ZBTB46: variants seen among roughly 807,000 people sequenced by gnomAD.
ZBTB46 encodes the protein zinc finger and BTB domain containing 46, also known as zinc finger and BTB domain-containing protein 46.
A neutral mutation model predicts 44.1 loss-of-function variants in ZBTB46; 8 were observed. The ratio of observed to expected loss-of-function variants is 0.18; its 90% CI spans 0.11 to 0.33. ZBTB46 has a LOEUF of 0.33. ZBTB46 is among the 10% of genes least tolerant of loss of function. ZBTB46 has a pLI of 1.00. For synonymous variants in ZBTB46, 409 were observed against 382.3 expected, an observed-to-expected ratio of 1.07 and a Z score of -0.81; for missense variants, 651 against 847.7, an observed-to-expected ratio of 0.77 and a Z score of 2.88.
rs202040562 is a variant in ZBTB46, at chr20:63,790,014, G to A, written c.744C>T (p.Asp248=). The A allele has an allele frequency of 1.4e-5, 23 of 1,614,050 alleles. No individual in the cohort carries two copies. Among genetic ancestry groups the A allele is most frequent in the Middle Eastern group, 1.6e-4 (1 of 6,062 alleles). The part of the protein sequence containing the change: ...YGGSELPSAK[D]GAVQNSFSEQ... Reference sequence around the variant, plus strand: ...CTGAGAAAGAGTTCTGTACTGCACCGTCCTTGGCAGAAGGCAGCTCGCTCC... The same window carrying A: ...CTGAGAAAGAGTTCTGTACTGCACCATCCTTGGCAGAAGGCAGCTCGCTCC... Residue 248 remains aspartate (D), a synonymous_variant, in exon 2 of 5, where the codon GAC becomes GAT. Transcript: ENST00000245663.
chr20:63,785,898 C>T (rs2092510641), intron 2 of ZBTB46, among the ~76,000 whole-genome samples: 1 of 152,232 alleles, frequency 6.6e-6, no homozygotes. Context: ...AACAAAAGTA[C>T]ACAGCCAAAA....
rs112597749 is a variant in ZBTB46 at position 63,754,639 on chromosome 20, A to G, written c.1223-1778T>C. 4.7e-5 allele frequency among the ~76,000 whole-genome samples: 7 copies of G among 148,030 alleles called. No individual in the cohort carries two copies. The East Asian group carries it at 8.1e-4, about 17-fold the overall frequency. Reference sequence around the variant, plus strand: ...TTTTTAGACGGAGTCTCACTCTGTCACCCAGGCTGGAGTGCAGTGGCTCGA... The same window carrying G: ...TTTTTAGACGGAGTCTCACTCTGTCGCCCAGGCTGGAGTGCAGTGGCTCGA... On this transcript the variant is annotated intron_variant, in intron 3 of 4. Coordinates refer to ENST00000245663, the MANE Select transcript of ZBTB46 (RefSeq NM_001369741.1).
intron 1 of ZBTB46, among the ~76,000 whole-genome samples, chr20:63,808,983 AAAAAAAAAAAAAAAAAGAAAAAG>A (rs2092701098): frequency 9.5e-6 from 1 of 104,722 alleles, no homozygotes; most frequent in Non-Finnish European, 1.9e-5. Flanking sequence ...CTTCAAAAAA[AAAAAAAAAAAAAAAAAGAAAAAG>A]AAAAAAAAAA....
chr20:63,776,473 T>C (rs2092426589), intron 2 of ZBTB46, among the ~76,000 whole-genome samples: 1 of 152,182 alleles, frequency 6.6e-6, no homozygotes, highest in African/African-American at 2.4e-5. Flanking sequence ...TAAATTGGAC[T>C]CATCAAAATT....
rs771470160 is a variant in ZBTB46, at chr20:63,775,809, G to T, written c.1091C>A (p.Ala364Asp). ...TPEKDDALHQ[A>D]TAVANLRAAL... ...CGCGCGCAGGTTGGCCACCGCGGTG[G>T]CCTGATGCAGGGCGTCGTCCTTCTC... Residue 364 changes from alanine (A) to aspartate (D), a missense_variant, in exon 3 of 5, where the codon GCC becomes GAC. Around this residue, in one of 5 missense-constraint regions of ZBTB46, gnomAD observed 385 missense variants for 423.3 expected, o/e 0.91. Coordinates refer to ENST00000245663, the MANE Select transcript of ZBTB46 (RefSeq NM_001369741.1). The T allele has an allele frequency of 5.6e-6, 9 of 1,613,398 alleles. No individual in the cohort carries two copies. The South Asian group carries it at 9.9e-5, about 18-fold the overall frequency.
chr20:63,816,666 G>C (rs1027688926), intron 1 of ZBTB46: 5 of 152,254 alleles, frequency 3.3e-5, no homozygotes, highest in African/African-American at 1.2e-4. Context: ...GCTGTTAAGG[G>C]CTGAAATGTG....
chr20:63,792,418 G>GGGAGAC (rs1555849414), intron 1 of ZBTB46, among the ~76,000 whole-genome samples: 16 of 121,064 alleles, frequency 1.3e-4, no homozygotes, highest in Non-Finnish European at 2.4e-4. Flanking sequence ...CAGCCCTCAT[G>GGGAGAC]GGGGACGGGG....
chr20:63,801,720 C>T (rs535815623), intron 1 of ZBTB46, among the ~76,000 whole-genome samples: 61 of 152,234 alleles, frequency 4.0e-4, no homozygotes, highest in Non-Finnish European at 1.5e-5. Context: ...TCAGAAGGAA[C>T]AAACTCCAGA....
intron 1 of ZBTB46, among the ~76,000 whole-genome samples, chr20:63,815,892 G>A (rs1312262864): frequency 6.8e-6 from 1 of 147,186 alleles, no homozygotes; most frequent in Non-Finnish European, 1.5e-5. Context: ...TGCAGGTGCA[G>A]TGGGCACAGG....
Position 63,790,465 on chromosome 20 carries a change from G to C in ZBTB46, c.293C>G (p.Thr98Ser). The change falls in exon 2 of 5, where the codon ACC (threonine) becomes AGC (serine). Residue 98 changes from threonine (T) to serine (S), a missense_variant. Thr to Ser is a moderately conservative substitution (Grantham distance 58). Coordinates refer to ENST00000245663, the MANE Select transcript of ZBTB46 (RefSeq NM_001369741.1). ...DFMYSAHLAL[T>S]SRNVIEVMSA... ...CATCACCTCGATGACGTTCCTGCTG[G>C]TGAGCGCCAGGTGCGCTGAGTACAT... 1 of 1,613,420 alleles carries C rather than the reference G, an allele frequency of 6.2e-7. No homozygotes were observed. Among genetic ancestry groups the C allele is most frequent in the East Asian group, 2.2e-5 (1 of 44,888 alleles).
At chr20:63,758,656 G>A (rs1425423508) in intron 3 of ZBTB46, among the ~76,000 whole-genome samples, 3 of 151,844 alleles carry the variant, frequency 2.0e-5, no homozygotes, top group East Asian at 1.9e-4. Context: ...GCACGCGCAC[G>A]GGCACTCACA....
At chr20:63,756,928 T>C (rs1462650093) in intron 3 of ZBTB46, among the ~76,000 whole-genome samples, 1 of 152,238 alleles carries the variant, frequency 6.6e-6, no homozygotes, top group Non-Finnish European at 1.5e-5. Context: ...ACAATGGAGA[T>C]CTGATGGCTC....
chr20:63,829,742 T>C (rs1003692925), intron 1 of ZBTB46, among the ~76,000 whole-genome samples: 9 of 152,220 alleles, frequency 5.9e-5, no homozygotes, highest in Admixed American at 3.3e-4. Context: ...CTTCTATACA[T>C]TTCCTTTTGA....
intron 2 of ZBTB46, among the ~76,000 whole-genome samples, chr20:63,780,982 A>AT (rs1256036698): frequency 1.4e-4 from 20 of 143,054 alleles, no homozygotes; most frequent in African/African-American, 5.1e-4. Context: ...AAAAAAAAAA[A>AT]ATACAAAAAT....
At position 63,790,379 on chromosome 20, in the gene ZBTB46, C is replaced by T; in HGVS notation, c.379G>A (p.Ala127Thr). 6.2e-7 allele frequency: 1 copy of T among 1,613,228 alleles called. No individual in the cohort carries two copies. Among genetic ancestry groups the T allele is most frequent in the East Asian group, 2.2e-5 (1 of 44,868 alleles). Residue 127 changes from alanine (A) to threonine (T), a missense_variant, in exon 2 of 5, where the codon GCG (alanine) becomes ACG (threonine). Physicochemically the swap from Ala to Thr is moderately conservative, Grantham distance 58. Around this residue, in one of 5 missense-constraint regions of ZBTB46, gnomAD observed 385 missense variants for 423.3 expected, o/e 0.91. Transcript: ENST00000245663. Reference sequence around the variant, plus strand: ...GACTTGATGCTGATGTCCAGCGCCGCCTTGATGAAGTCGTGGCAGGCTTGC... The same window carrying T: ...GACTTGATGCTGATGTCCAGCGCCGTCTTGATGAAGTCGTGGCAGGCTTGC... ...IVQACHDFIK[A>T]ALDISIKSDA...
intron 4 of ZBTB46, among the ~76,000 whole-genome samples, chr20:63,747,714 A>G (rs2092118388): frequency 6.6e-6 from 1 of 152,084 alleles, no homozygotes; most frequent in African/African-American, 2.4e-5. Context: ...GGTGGCACCA[A>G]GGCAGCCCTG....
chr20:63,765,212 T>A (rs1349409055), intron 3 of ZBTB46, among the ~76,000 whole-genome samples: 1 of 151,952 alleles, frequency 6.6e-6, no homozygotes, highest in Non-Finnish European at 1.5e-5. Flanking sequence ...CTTCTTGGGA[T>A]TTTGCCCCTC....
At chr20:63,782,694 G>A (rs756694668) in intron 2 of ZBTB46, among the ~76,000 whole-genome samples, 11 of 152,044 alleles carry the variant, frequency 7.2e-5, no homozygotes, top group Admixed American at 2.6e-4. Flanking sequence ...CACGACCCAC[G>A]CCCCACACCC....
At chr20:63,805,679 C>A (rs2092676662) in intron 1 of ZBTB46, among the ~76,000 whole-genome samples, 1 of 152,142 alleles carries the variant, frequency 6.6e-6, no homozygotes, top group Admixed American at 6.5e-5. Flanking sequence ...ACCTCTGCTG[C>A]CGCGAGCTGC....
Sources: gnomAD v4.1 joint callset for allele counts (sites outside exome capture counted in the v4.1 genomes callset) on GRCh38, gnomAD v4.1.1 for gene constraint, gnomAD v4.1.1 regional missense constraint, MANE v1.5 for transcripts, NCBI Gene and HGNC (gene_info 2026-07-23, HGNC 2026-07-21) for gene names.